The following ROBO1 variants were observed in gnomAD, a reference collection of about 807,000 sequenced individuals.
ROBO1 encodes roundabout guidance receptor 1.
In ROBO1, 149 loss-of-function variants were observed where a neutral mutation model predicts 195.9. The ratio of observed to expected loss-of-function variants is 0.76; its 90% confidence interval spans 0.67 to 0.87. ROBO1 has a LOEUF of 0.87. ROBO1 is among the 40% of genes least tolerant of loss of function. The pLI is 0.00. For missense variants in ROBO1, 1,933 were observed against 2,068.3 expected (o/e 0.93, Z 1.27); for synonymous variants, 816 against 733.2 (o/e 1.11, Z -1.82).
At chr3:78,750,819 A>T (rs1269823551) in intron 4 of ROBO1, among the ~76,000 whole-genome samples, 1 of 152,202 alleles carries the variant, frequency 6.6e-6, no homozygotes, top group Non-Finnish European at 1.5e-5. Flanking sequence ...GATCTTTGAC[A>T]ACATATAATC....
chr3:79,187,272 C>A (rs1393712390), intron 2 of ROBO1, among the ~76,000 whole-genome samples: 3 of 151,966 alleles, frequency 2.0e-5, no homozygotes, highest in African/African-American at 2.4e-5. Context: ...GGCCAGATGA[C>A]CATCTGGAAG....
At chr3:78,761,882 T>C (rs2083113955) in intron 4 of ROBO1, among the ~76,000 whole-genome samples, 1 of 152,126 alleles carries the variant, frequency 6.6e-6, no homozygotes, top group Non-Finnish European at 1.5e-5. Context: ...ATGTTGTAAC[T>C]AGCTTCCTAT....
chr3:79,667,117 C>T (rs1016218790), intron 1 of ROBO1, among the ~76,000 whole-genome samples: 1 of 151,886 alleles, frequency 6.6e-6, no homozygotes, highest in Non-Finnish European at 1.5e-5. Context: ...TGGTAAATGA[C>T]ATACATTACC....
At chr3:78,815,491 T>C (rs1229854768) in intron 4 of ROBO1, among the ~76,000 whole-genome samples, 1 of 152,086 alleles carries the variant, frequency 6.6e-6, no homozygotes, top group Non-Finnish European at 1.5e-5. Context: ...CAAAACCTAA[T>C]CTAGGGCAAA....
intron 3 of ROBO1, among the ~76,000 whole-genome samples, chr3:79,017,982 C>T (rs1003226727): frequency 1.3e-5 from 2 of 152,148 alleles, no homozygotes; most frequent in Non-Finnish European, 2.9e-5. Context: ...TCCTGGCAAG[C>T]CTGCGGGCCA....
intron 1 of ROBO1, among the ~76,000 whole-genome samples, chr3:79,722,010 T>C (rs894846328): frequency 6.6e-6 from 1 of 152,218 alleles, no homozygotes; most frequent in East Asian, 1.9e-4. Context: ...TAGAAACTCA[T>C]AATATTTGCA....
At chr3:78,614,886 C>T in intron 27 of ROBO1, 86 bp from the exon 28 acceptor site, 1 of 1,286,566 alleles carries the variant, frequency 7.8e-7, no homozygotes, top group Non-Finnish European at 1.0e-6. Context: ...AACATTAAAA[C>T]CAGAAACAGC....
At chr3:79,063,203 A>C (rs2078950451) in intron 3 of ROBO1, among the ~76,000 whole-genome samples, 1 of 151,878 alleles carries the variant, frequency 6.6e-6, no homozygotes, top group African/African-American at 2.4e-5. Flanking sequence ...GTGGTAAGCC[A>C]TATTTGCCCC....
chr3:79,682,968 A>T (rs1425401745), intron 1 of ROBO1, among the ~76,000 whole-genome samples: 1 of 106,708 alleles, frequency 9.4e-6, no homozygotes, highest in Non-Finnish European at 2.0e-5. Flanking sequence ...CAGAACATGT[A>T]TAAATGTAAA....
At chr3:79,286,761 GAAT>G (rs1363937323) in intron 2 of ROBO1, among the ~76,000 whole-genome samples, 8 of 152,012 alleles carry the variant, frequency 5.3e-5, no homozygotes, top group South Asian at 2.1e-4. Context: ...AAAATAACTG[GAAT>G]AATAATAATA....
At chr3:79,184,523 C>T (rs181033226) in intron 2 of ROBO1, among the ~76,000 whole-genome samples, 250 of 152,254 alleles carry the variant, frequency 1.6e-3, no homozygotes, top group Non-Finnish European at 3.0e-3. Flanking sequence ...GAAATTCCAT[C>T]TGGGTGAAAA....
chr3:79,364,269 C>G (rs1398508360), intron 2 of ROBO1, among the ~76,000 whole-genome samples: 1 of 149,216 alleles, frequency 6.7e-6, no homozygotes, highest in African/African-American at 2.5e-5. Context: ...TATACACACA[C>G]ACATATATAT....
At chr3:79,417,332 C>CGAGAA (rs2106908006) in intron 2 of ROBO1, among the ~76,000 whole-genome samples, 1 of 152,156 alleles carries the variant, frequency 6.6e-6, no homozygotes, top group Admixed American at 6.6e-5. Flanking sequence ...AGGGTTAGTC[C>CGAGAA]ACTAACCAGA....
rs2107186123 is a variant in ROBO1, at chr3:78,597,475, T to TTTTG, written c.*1434_*1437dup. The TTTTG allele has an allele frequency of 6.6e-6, 1 of 152,662 alleles. No individual in the cohort carries two copies. The highest frequency in any genetic ancestry group is 2.1e-4 in the South Asian group (1 of 4,820). The allele number at this position is 152,662 out of a possible 1,614,324, so 9.5% of individuals were successfully genotyped here. A position where few individuals can be genotyped will look rare whatever the true frequency, so the allele number is the denominator to read the frequency against. Reference sequence around the variant, plus strand: ...ACCAGCCTTTTTTTTTGTGGTTCAGTTTTGTTTGGCTTTGTTTTCCACTGG... The same window carrying TTTTG: ...ACCAGCCTTTTTTTTTGTGGTTCAGTTTTGTTTGTTTGGCTTTGTTTTCCACTGG... On this transcript the variant is annotated 3_prime_UTR_variant, in exon 31 of 31. Transcript: ENST00000464233.
chr3:79,401,384 G>A (rs960489509), intron 2 of ROBO1, among the ~76,000 whole-genome samples: 1 of 151,822 alleles, frequency 6.6e-6, no homozygotes, highest in African/African-American at 2.4e-5. Context: ...ACATTTTGCT[G>A]ATTGAACCAC....
At position 78,688,618 on chromosome 3, in the gene ROBO1, T is replaced by TA. The variant is rs57364605; in HGVS notation, c.1170+29dup. On this transcript the variant is annotated intron_variant, in intron 9 of 30. Transcript: ENST00000464233. ...ATCTTGGCAACCATCTTTGCTGATT[T>TA]AAAAAAAAAAAGTTAGAAAAAGGTG... is the stretch of plus-strand genomic sequence containing the variant. 10,987 of 1,135,264 alleles carry TA rather than the reference T, an allele frequency of 9.7e-3. 2 individuals are homozygous for TA. Among genetic ancestry groups the TA allele is most frequent in the Middle Eastern group, 0.023 (110 of 4,718 alleles). The allele number at this position is 1,135,264 out of a possible 1,614,324, so 70.3% of individuals were successfully genotyped here.
At chr3:78,748,881 A>G (rs1384502806) in intron 4 of ROBO1, among the ~76,000 whole-genome samples, 1 of 152,184 alleles carries the variant, frequency 6.6e-6, no homozygotes, top group Non-Finnish European at 1.5e-5. Flanking sequence ...AATAAATCTG[A>G]TCTCGCCAAA....
intron 3 of ROBO1, among the ~76,000 whole-genome samples, chr3:78,941,032 C>T (rs553553812): frequency 6.8e-4 from 103 of 152,258 alleles, no homozygotes; most frequent in Non-Finnish European, 1.2e-3. Context: ...AGACTGTAAG[C>T]CCTACATGAG....
chr3:78,737,520 T>C (rs1467487544), intron 5 of ROBO1, among the ~76,000 whole-genome samples: 2 of 152,116 alleles, frequency 1.3e-5, no homozygotes, highest in African/African-American at 4.8e-5. Flanking sequence ...TGAACTAATC[T>C]AGGTATGATT....
Sources: gnomAD v4.1 joint callset for allele counts (sites outside exome capture counted in the v4.1 genomes callset) on GRCh38, gnomAD v4.1.1 for gene constraint, MANE v1.5 for transcripts, NCBI Gene and HGNC (gene_info 2026-07-23, HGNC 2026-07-21) for gene names.